The following NAPB variants were observed in gnomAD, a reference collection of about 807,000 sequenced individuals.
NAPB encodes the protein beta-soluble NSF attachment protein.
Under a neutral mutation model 44.7 loss-of-function variants are expected in NAPB, and 26 were observed. The ratio of observed to expected loss-of-function variants is 0.58; its 90% CI spans 0.43 to 0.81. The LOEUF is 0.81. Ranked by LOEUF, NAPB falls within the 30% of genes least tolerant of loss-of-function variation. The probability of loss-of-function intolerance (pLI) is 0.00; values close to 1 mark genes in which losing one functional copy is unlikely to be tolerated. For synonymous variants in NAPB, 120 were observed against 116.8 expected, an observed-to-expected ratio of 1.03 and a Z score of -0.18; for missense variants, 315 against 356.4, an observed-to-expected ratio of 0.88 and a Z score of 0.94.
At chr20:23,399,626 TG>T (rs1445654715) in intron 2 of NAPB, among the ~76,000 whole-genome samples, 2 of 152,224 alleles carry the variant, frequency 1.3e-5, no homozygotes, top group Non-Finnish European at 2.9e-5. Context: ...GAGCTGGAAC[TG>T]AAGAAGCCCT....
rs1210523262 is a variant in NAPB at position 23,375,470 on chromosome 20, T to G, written c.*1906A>C. The stretch of plus-strand genomic sequence containing the variant: ...CTGCAGAACCACTCCTCACACCCCA[T>G]TTTCACAAAAGTGCATTTGGCTGGT... On this transcript the variant is annotated 3_prime_UTR_variant, in exon 11 of 11. Coordinates refer to ENST00000377026, the MANE Select transcript of NAPB (RefSeq NM_022080.3). The G allele has an allele frequency of 6.6e-6, 1 of 152,054 alleles. No homozygotes were observed. Among genetic ancestry groups the G allele is most frequent in the African/African-American group, 2.4e-5 (1 of 41,416 alleles). 9.4% of individuals were successfully genotyped at this position (152,054 alleles called of 1,614,324 possible).
At chr20:23,400,424 G>A (rs1340797131) in intron 2 of NAPB, among the ~76,000 whole-genome samples, 5 of 152,166 alleles carry the variant, frequency 3.3e-5, no homozygotes, top group Non-Finnish European at 7.3e-5. Flanking sequence ...GCTGAGGCAG[G>A]AGAATCGCTT....
chr20:23,395,276 G>C (rs911671300), intron 3 of NAPB, 91 bp from the exon 4 acceptor site: 1 of 1,338,848 alleles, frequency 7.5e-7, no homozygotes, highest in Admixed American at 1.9e-5. Context: ...TTATCAGAAC[G>C]TTAATGAGGT....
intron 7 of NAPB, among the ~76,000 whole-genome samples, chr20:23,385,046 G>A (rs1013483864): frequency 6.6e-6 from 1 of 152,114 alleles, no homozygotes; most frequent in African/African-American, 2.4e-5. Context: ...TTGAATCCAA[G>A]AGGTAGAGGT....
At chr20:23,379,680 A>T (rs1041694476) in intron 9 of NAPB, 185 bp from the exon 10 acceptor site, 4 of 664,680 alleles carry the variant, frequency 6.0e-6, no homozygotes, top group Non-Finnish European at 1.0e-5. Context: ...TGCCTATTTC[A>T]GAACACAACT....
intron 7 of NAPB, among the ~76,000 whole-genome samples, chr20:23,384,990 G>A (rs942728723): frequency 7.9e-5 from 12 of 152,054 alleles, no homozygotes; most frequent in Non-Finnish European, 1.2e-4. Flanking sequence ...ATGCTGGCAC[G>A]CACCTGTAAT....
intron 1 of NAPB, among the ~76,000 whole-genome samples, chr20:23,417,580 T>C (rs868402815): frequency 8.5e-5 from 13 of 152,312 alleles, no homozygotes; most frequent in South Asian, 4.1e-4. Flanking sequence ...TGAAATTAAC[T>C]ACAAAATTCC....
chr20:23,417,966 G>C (rs1986120042), intron 1 of NAPB, among the ~76,000 whole-genome samples: 1 of 152,134 alleles, frequency 6.6e-6, no homozygotes, highest in Admixed American at 6.5e-5. Flanking sequence ...AAAAGCTATA[G>C]AATACTACTA....
chr20:23,418,626 A>G (rs1986166123), intron 1 of NAPB, among the ~76,000 whole-genome samples: 3 of 152,178 alleles, frequency 2.0e-5, no homozygotes, highest in Admixed American at 1.3e-4. Flanking sequence ...AAGCTCTTTC[A>G]GATATTTTAT....
intron 5 of NAPB, among the ~76,000 whole-genome samples, chr20:23,390,868 C>A (rs1983903440): frequency 6.6e-6 from 1 of 152,172 alleles, no homozygotes. Flanking sequence ...ACACTAATAC[C>A]TTAAGTGTCA....
chr20:23,390,429 A>G (rs1477969070), intron 5 of NAPB, among the ~76,000 whole-genome samples, 165 bp from the exon 6 acceptor site: 1 of 152,262 alleles, frequency 6.6e-6, no homozygotes, highest in African/African-American at 2.4e-5. Context: ...CACCTCTGGA[A>G]GCAGAATGCT....
chr20:23,401,517 C>A (rs546082047), intron 2 of NAPB, among the ~76,000 whole-genome samples: 1 of 152,288 alleles, frequency 6.6e-6, no homozygotes, highest in African/African-American at 2.4e-5. Context: ...TAGTTACATA[C>A]ATGATCAGTG....
intron 7 of NAPB, among the ~76,000 whole-genome samples, chr20:23,381,570 C>T (rs1983006772): frequency 6.6e-6 from 1 of 152,152 alleles, no homozygotes; most frequent in Non-Finnish European, 1.5e-5. Context: ...ATCCTTTCCC[C>T]TAATCCTCCC....
intron 3 of NAPB, 78 bp from the exon 4 acceptor site, chr20:23,395,263 C>T (rs1984267521): frequency 6.6e-7 from 1 of 1,505,082 alleles, no homozygotes. Context: ...GTCTTCCTGG[C>T]TGTTATCAGA....
Position 23,387,900 on chromosome 20 carries a change from T to G in NAPB, c.561+2046A>C, listed in dbSNP as rs531657946. Among the ~76,000 whole-genome samples, 56 of 152,300 alleles carry G rather than the reference T, an allele frequency of 3.7e-4. No homozygotes were observed. In the South Asian group the frequency reaches 0.012, roughly 32 times the overall value. On this transcript the variant is annotated intron_variant, in intron 7 of 10. Coordinates refer to ENST00000377026, the MANE Select transcript of NAPB (RefSeq NM_022080.3). ...TATTCTGAGTGTGTCTGTGGGGTGTTTCTGAATGAGATTAACGTTTGCATC... is the reference window on the plus strand; with the variant it reads ...TATTCTGAGTGTGTCTGTGGGGTGTGTCTGAATGAGATTAACGTTTGCATC...
rs1982586116 is a variant in NAPB, at chr20:23,377,184, C to T, written c.*192G>A. ...ATAAGCATGAAACAACCCATCATTA[C>T]CACAAGATGAACAGGAGCCTCTCCT... On this transcript the variant is annotated 3_prime_UTR_variant, in exon 11 of 11. Coordinates refer to ENST00000377026, the MANE Select transcript of NAPB (RefSeq NM_022080.3). 1 of 369,822 alleles carries T rather than the reference C, an allele frequency of 2.7e-6. No individual in the cohort carries two copies. Among genetic ancestry groups the T allele is most frequent in the East Asian group, 4.0e-5 (1 of 25,242 alleles). The allele number at this position is 369,822 out of a possible 1,614,324, so 22.9% of individuals were successfully genotyped here. A position where few individuals can be genotyped will look rare whatever the true frequency, so the allele number is the denominator to read the frequency against.
At chr20:23,406,311 T>G (rs1985252162) in intron 1 of NAPB, among the ~76,000 whole-genome samples, 1 of 152,056 alleles carries the variant, frequency 6.6e-6, no homozygotes, top group South Asian at 2.1e-4. Context: ...TGAGGGAAAA[T>G]GACAGCTAAA....
In NAPB at chr20:23,406,343, G is replaced by A. The variant is rs186031243; in HGVS notation, c.99-3271C>T. Among the ~76,000 whole-genome samples the A allele has an allele frequency of 3.9e-4, 60 of 152,246 alleles. No individual in the cohort carries two copies. In the East Asian group the frequency reaches 0.011, roughly 27 times the overall value. ...TAAATGGTACAGGGTTTCTTTCTGG[G>A]GTGATGAAGATGTTCTAAAACTGCT... On this transcript the variant is annotated intron_variant, in intron 1 of 10. Transcript: ENST00000377026.
chr20:23,400,775 T>A (rs1178138094), intron 2 of NAPB, among the ~76,000 whole-genome samples: 1 of 152,120 alleles, frequency 6.6e-6, no homozygotes, highest in Non-Finnish European at 1.5e-5. Flanking sequence ...AGTCTAATAT[T>A]CATCCACTCA....
Sources: gnomAD v4.1 joint callset for allele counts (sites outside exome capture counted in the v4.1 genomes callset) on GRCh38, gnomAD v4.1.1 for gene constraint, MANE v1.5 for transcripts, NCBI Gene and HGNC (gene_info 2026-07-23, HGNC 2026-07-21) for gene names.